Variants in VPS39 observed in about 807,000 individuals in gnomAD.
The protein encoded by VPS39 is vam6/Vps39-like protein.
A neutral mutation model predicts 121.0 loss-of-function variants in VPS39; 70 were observed. That is an observed-to-expected ratio of 0.58 (90% CI 0.48 to 0.71). VPS39 has a LOEUF of 0.71. Ranked by LOEUF, VPS39 falls within the 30% of genes least tolerant of loss-of-function variation. The pLI, the probability that VPS39 is intolerant of heterozygous loss-of-function variation, is 0.00. For synonymous variants in VPS39, 378 were observed against 398.1 expected (o/e 0.95, Z 0.60); for missense variants, 818 against 1,051.5 (o/e 0.78, Z 3.07).
chr15:42,188,309 T>C (rs1219256183), intron 5 of VPS39, among the ~76,000 whole-genome samples: 1 of 152,118 alleles, frequency 6.6e-6, no homozygotes, highest in Non-Finnish European at 1.5e-5. Context: ...AGTGTCAATG[T>C]AGAACATAAA....
chr15:42,199,787 C>T, intron 2 of VPS39, 109 bp downstream of exon 2: 1 of 1,230,092 alleles, frequency 8.1e-7, no homozygotes, highest in Non-Finnish European at 1.1e-6. Context: ...CCACCGTGCT[C>T]CCTCTAACCT....
chr15:42,204,633 G>C (rs112624160), intron 1 of VPS39, among the ~76,000 whole-genome samples: 1 of 152,230 alleles, frequency 6.6e-6, no homozygotes, highest in Non-Finnish European at 1.5e-5. Flanking sequence ...CTGGGCGACA[G>C]AGCGAGACTC....
At chr15:42,186,510 A>G (rs1411878961) in intron 7 of VPS39, among the ~76,000 whole-genome samples, 1 of 152,254 alleles carries the variant, frequency 6.6e-6, no homozygotes, top group Non-Finnish European at 1.5e-5. Flanking sequence ...TAGAATTGCC[A>G]TGTCTGAATT....
chr15:42,162,421 T>A lies in VPS39; in HGVS notation c.2236A>T (p.Ile746Phe), dbSNP rs777263975. The A allele has an allele frequency of 1.2e-6, 2 of 1,613,598 alleles. No individual in the cohort carries two copies. Among genetic ancestry groups the A allele is most frequent in the Non-Finnish European group, 1.7e-6 (2 of 1,179,890 alleles). Residue 746 changes from isoleucine to phenylalanine, a missense_variant, in exon 22 of 25, where the codon ATC becomes TTC. Ile to Phe is a conservative substitution (Grantham distance 21). Coordinates refer to ENST00000318006, the MANE Select transcript of VPS39 (RefSeq NM_015289.5). The part of the protein sequence containing the change: ...SPPSIHCLGP[I>F]KLELLEPKAN... ...TTTGGCTCCAGTAGTTCCAGCTTGA[T>A]TGGCCCCAGGCAGTGAATGCTGGGG...
Position 42,184,501 on chromosome 15 carries a change from C to CTACT in VPS39, c.718+12_718+15dup. 1 of 1,578,592 alleles carries CTACT rather than the reference C, an allele frequency of 6.3e-7. No homozygotes were observed. ...CTCAACCCAAAGTGGGAAACAGCAGCTACTGTTGGTCTCACCCATGGCCAC... is the reference window on the plus strand; with the variant it reads ...CTCAACCCAAAGTGGGAAACAGCAGCTACTTACTGTTGGTCTCACCCATGGCCAC... On this transcript the variant is annotated intron_variant, in intron 8 of 24. Transcript: ENST00000318006.
In VPS39 at chr15:42,160,524, C is replaced by A. The variant is rs1324016501; in HGVS notation, c.*230G>T. 1.9e-6 allele frequency: 1 copy of A among 530,042 alleles called. No individual in the cohort carries two copies. The allele number at this position is 530,042 out of a possible 1,614,324, so 32.8% of individuals were successfully genotyped here. Reference sequence around the variant, plus strand: ...GCAGGTACTGAATTCTCTGGAATTGCCCACAACATAATGGTATAAGGTATA... The same window carrying A: ...GCAGGTACTGAATTCTCTGGAATTGACCACAACATAATGGTATAAGGTATA... On this transcript the variant is annotated 3_prime_UTR_variant, in exon 25 of 25. Coordinates refer to ENST00000318006, the MANE Select transcript of VPS39 (RefSeq NM_015289.5).
intron 15 of VPS39, 51 bp from the exon 16 acceptor site, chr15:42,166,283 G>A (rs1250286657): frequency 1.9e-6 from 3 of 1,561,274 alleles, no homozygotes; most frequent in Admixed American, 3.3e-5. Flanking sequence ...CTTGCCTGTG[G>A]CACTGGGAAG....
At chr15:42,188,202 A>G (rs1202053835) in intron 5 of VPS39, among the ~76,000 whole-genome samples, 1 of 152,184 alleles carries the variant, frequency 6.6e-6, no homozygotes, top group African/African-American at 2.4e-5. Flanking sequence ...CTGTCAATGC[A>G]TGCTGGGTTA....
In VPS39 at chr15:42,165,813, A is replaced by G. The variant is rs774057291; in HGVS notation, c.1684T>C (p.Phe562Leu). ...RDFPEDGLKI[F>L]TEDLPEVESL... ...TCCACTTCCGGGAGATCTTCAGTAA[A>G]TATCTGTTAGAATGAACCCGAGTTC... Residue 562 changes from phenylalanine to leucine, a missense_variant, in exon 17 of 25, where the codon TTT (phenylalanine) becomes CTT (leucine). Physicochemically the swap from Phe to Leu is conservative, Grantham distance 22 (BLOSUM62 0). Coordinates refer to ENST00000318006, the MANE Select transcript of VPS39 (RefSeq NM_015289.5). 11 of 1,613,930 alleles carry G rather than the reference A, an allele frequency of 6.8e-6. No individual in the cohort carries two copies. Among genetic ancestry groups the G allele is most frequent in the Non-Finnish European group, 8.5e-7 (1 of 1,179,928 alleles).
At chr15:42,203,161 T>C (rs1011233037) in intron 1 of VPS39, among the ~76,000 whole-genome samples, 2 of 152,044 alleles carry the variant, frequency 1.3e-5, no homozygotes, top group African/African-American at 4.8e-5. Flanking sequence ...TGAAACCCCG[T>C]CTCTACTAAA....
chr15:42,205,121 A>G (rs2050142669), intron 1 of VPS39, among the ~76,000 whole-genome samples: 1 of 152,186 alleles, frequency 6.6e-6, no homozygotes, highest in Admixed American at 6.5e-5. Context: ...AACATTATTC[A>G]TTAAATATAT....
At chr15:42,178,597 T>C (rs2049507818) in intron 8 of VPS39, 27 bp from the exon 9 acceptor site, 10 of 1,612,842 alleles carry the variant, frequency 6.2e-6, no homozygotes, top group Non-Finnish European at 7.6e-6. Flanking sequence ...ACACAGCAGT[T>C]GTTCCGGTCT....
At chr15:42,182,596 C>T (rs147256357) in intron 8 of VPS39, among the ~76,000 whole-genome samples, 46 of 152,358 alleles carry the variant, frequency 3.0e-4, no homozygotes, top group African/African-American at 1.0e-3. Flanking sequence ...TGGATCAAGA[C>T]ATGCATCCAG....
chr15:42,203,319 A>C (rs1248954701), intron 1 of VPS39, among the ~76,000 whole-genome samples: 2 of 152,128 alleles, frequency 1.3e-5, no homozygotes, highest in Non-Finnish European at 2.9e-5. Flanking sequence ...AAATACAAAA[A>C]AAATTAGCCA....
At chr15:42,183,789 C>T (rs1443482095) in intron 8 of VPS39, among the ~76,000 whole-genome samples, 1 of 152,152 alleles carries the variant, frequency 6.6e-6, no homozygotes, top group Non-Finnish European at 1.5e-5. Context: ...GTCTCTTTAT[C>T]CAAGACTGTA....
chr15:42,165,449 C>A, intron 17 of VPS39: 1 of 468,112 alleles, frequency 2.1e-6, no homozygotes, highest in Non-Finnish European at 3.8e-6. Context: ...TTTTGAGTTT[C>A]GCTTTGGAAT....
chr15:42,199,987 CA>C (rs762376784), intron 1 of VPS39, 26 bp from the exon 2 acceptor site: 1 of 1,530,838 alleles, frequency 6.5e-7, no homozygotes, highest in Admixed American at 2.4e-5. Context: ...AAAACAAAAA[CA>C]AAAACAAAAA....
At position 42,178,672 on chromosome 15, in the gene VPS39, A is replaced by G. The variant is rs956269585; in HGVS notation, c.719-102T>C. The G allele has an allele frequency of 3.3e-6, 5 of 1,497,762 alleles. No homozygotes were observed. The Admixed American group carries it at 5.7e-5, about 17-fold the overall frequency. The allele number at this position is 1,497,762 out of a possible 1,614,324, so 92.8% of individuals were successfully genotyped here. Reference sequence around the variant, plus strand: ...AAGATACATTTAAATGGATCTCCAAAAAGTCCCCTAGTCAAATATCAAGCC... The same window carrying G: ...AAGATACATTTAAATGGATCTCCAAGAAGTCCCCTAGTCAAATATCAAGCC... On this transcript the variant is annotated intron_variant, in intron 8 of 24. Transcript: ENST00000318006.
chr15:42,185,261 C>T (rs2049677739), intron 7 of VPS39, among the ~76,000 whole-genome samples: 1 of 151,760 alleles, frequency 6.6e-6, no homozygotes, highest in Admixed American at 6.6e-5. Context: ...TCACTGCAAC[C>T]TCCGCCTCCT....
Sources: allele counts gnomAD v4.1 joint callset (sites outside exome capture counted in the v4.1 genomes callset), GRCh38; gene constraint gnomAD v4.1.1; transcripts MANE v1.5; gene names NCBI Gene and HGNC (gene_info 2026-07-23, HGNC 2026-07-21).